The following BICC1 variants were observed in gnomAD, a reference collection of about 807,000 sequenced individuals.
The protein encoded by BICC1 is protein bicaudal C homolog 1.
BICC1 carries 43 observed loss-of-function variants against 111.0 expected under a neutral mutation model. The observed-to-expected ratio is 0.39, with a 90% confidence interval of 0.30 to 0.50. BICC1 has a LOEUF of 0.50. BICC1 is among the 20% of genes least tolerant of loss of function. The pLI is 0.88. For synonymous variants in BICC1, 467 were observed against 434.4 expected (o/e 1.07, Z -0.93); for missense variants, 1,091 against 1,203.2 (o/e 0.91, Z 1.38).
intron 1 of BICC1, among the ~76,000 whole-genome samples, chr10:58,531,913 A>G (rs1302611302): frequency 5.3e-5 from 8 of 151,842 alleles, no homozygotes; most frequent in Admixed American, 5.3e-4. Flanking sequence ...AAATGAAGAA[A>G]GCCTAAGGGA....
rs1362693638 is a variant in BICC1, at chr10:58,796,507, C to G, written c.1347C>G (p.Gly449=). 2 of 1,613,542 alleles carry G rather than the reference C, an allele frequency of 1.2e-6. No homozygotes were observed. The highest frequency in any genetic ancestry group is 1.7e-6 in the Non-Finnish European group (2 of 1,179,828). The change falls in exon 10 of 21, where the codon GGC becomes GGG. Residue 449 remains glycine (G), a synonymous_variant. Transcript: ENST00000373886. ...GCCTGGATATCTTAGCTTCAGCAGGCCTTGGACTCACTGGACTAGGTATAC... is the reference window on the plus strand; with the variant it reads ...GCCTGGATATCTTAGCTTCAGCAGGGCTTGGACTCACTGGACTAGGTATAC... ...CPSLDILASA[G]LGLTGLGLLG...
intron 2 of BICC1, among the ~76,000 whole-genome samples, chr10:58,687,493 C>G (rs1839773219): frequency 6.6e-6 from 1 of 152,214 alleles, no homozygotes; most frequent in Non-Finnish European, 1.5e-5. Context: ...GGAGGCAGGC[C>G]TCCTTGAGCT....
At chr10:58,591,950 T>A (rs7079155) in intron 1 of BICC1, among the ~76,000 whole-genome samples, 116,172 of 152,216 alleles carry the variant, frequency 0.76, 44,911 homozygotes, top group East Asian at 0.98. Context: ...TCAAGTGGTG[T>A]TGTTTATTGT....
chr10:58,681,104 G>A (rs1839506092), intron 2 of BICC1, among the ~76,000 whole-genome samples: 1 of 152,144 alleles, frequency 6.6e-6, no homozygotes, highest in African/African-American at 2.4e-5. Context: ...ATTCAGGACA[G>A]TGGTATGGGC....
At chr10:58,598,774 A>G (rs938713116) in intron 1 of BICC1, among the ~76,000 whole-genome samples, 1 of 152,200 alleles carries the variant, frequency 6.6e-6, no homozygotes, top group Non-Finnish European at 1.5e-5. Context: ...AAGGGCTAAT[A>G]CTCAGAATCT....
intron 1 of BICC1, among the ~76,000 whole-genome samples, chr10:58,535,187 C>T (rs1470581632): frequency 3.3e-5 from 5 of 151,704 alleles, no homozygotes; most frequent in Admixed American, 6.6e-5. Flanking sequence ...AGGAAAACTT[C>T]CCTGTCCTTG....
intron 1 of BICC1, among the ~76,000 whole-genome samples, chr10:58,546,635 G>A (rs1158459785): frequency 6.6e-6 from 1 of 152,132 alleles, no homozygotes; most frequent in Non-Finnish European, 1.5e-5. Context: ...ATCCTCTGTA[G>A]TGAATGGCTC....
chr10:58,664,318 C>T lies in BICC1; in HGVS notation c.238-37756C>T, dbSNP rs7917361. ...TTTGCATTTCTCTGAGAACCAATAT[C>T]GAGCATTTTTTAATGTGCTTAATCA... is the stretch of plus-strand genomic sequence containing the variant. On this transcript the variant is annotated intron_variant, in intron 2 of 20. Transcript: ENST00000373886. Among the ~76,000 whole-genome samples, 1,298 of 152,178 alleles carry T rather than the reference C, an allele frequency of 8.5e-3. 20 individuals carry two copies. The highest frequency in any genetic ancestry group is 0.029 in the African/African-American group (1,220 of 41,506).
At chr10:58,712,552 G>A (rs890466343) in intron 3 of BICC1, among the ~76,000 whole-genome samples, 3 of 152,168 alleles carry the variant, frequency 2.0e-5, no homozygotes, top group Non-Finnish European at 4.4e-5. Flanking sequence ...CTATGAAAGG[G>A]CATGGAGGAT....
At chr10:58,769,308 ATG>A (rs1422174355) in intron 3 of BICC1, among the ~76,000 whole-genome samples, 9 of 130,950 alleles carry the variant, frequency 6.9e-5, no homozygotes, top group African/African-American at 2.6e-4. Context: ...ACACACACAC[ATG>A]CACACGCACA....
chr10:58,659,648 G>A (rs757126089), intron 2 of BICC1, among the ~76,000 whole-genome samples: 5 of 152,018 alleles, frequency 3.3e-5, no homozygotes, highest in Admixed American at 6.6e-5. Flanking sequence ...ACTGGTACAC[G>A]GAACGCGCAT....
At chr10:58,673,165 A>G (rs1201190789) in intron 2 of BICC1, among the ~76,000 whole-genome samples, 1 of 152,196 alleles carries the variant, frequency 6.6e-6, no homozygotes, top group Non-Finnish European at 1.5e-5. Flanking sequence ...AATTCTTTGA[A>G]TATTACTAAT....
chr10:58,746,710 G>T (rs1284197942), intron 3 of BICC1, among the ~76,000 whole-genome samples: 3 of 152,058 alleles, frequency 2.0e-5, no homozygotes, highest in Non-Finnish European at 2.9e-5. Context: ...ATGAATACAG[G>T]TATTCATTAA....
intron 2 of BICC1, among the ~76,000 whole-genome samples, chr10:58,685,213 G>A (rs1839677211): frequency 6.6e-6 from 1 of 152,168 alleles, no homozygotes; most frequent in Non-Finnish European, 1.5e-5. Flanking sequence ...GTTCTAGTTT[G>A]ATTGCACTGT....
At chr10:58,755,810 G>A (rs1267707094) in intron 3 of BICC1, among the ~76,000 whole-genome samples, 1 of 152,054 alleles carries the variant, frequency 6.6e-6, no homozygotes, top group African/African-American at 2.4e-5. Flanking sequence ...TACAGCCGAG[G>A]CTTCTCTGCA....
At chr10:58,604,891 C>T (rs1845159012) in intron 1 of BICC1, among the ~76,000 whole-genome samples, 1 of 152,030 alleles carries the variant, frequency 6.6e-6, no homozygotes, top group Non-Finnish European at 1.5e-5. Flanking sequence ...CCTTTGAGGC[C>T]CGACTTTCTG....
chr10:58,656,985 G>C (rs527593045), intron 2 of BICC1, among the ~76,000 whole-genome samples: 5 of 152,032 alleles, frequency 3.3e-5, no homozygotes, highest in Non-Finnish European at 5.9e-5. Flanking sequence ...ACCCAGTCTG[G>C]GATTTGCTTG....
intron 2 of BICC1, among the ~76,000 whole-genome samples, chr10:58,642,103 T>A (rs970705675): frequency 1.3e-5 from 2 of 152,202 alleles, no homozygotes; most frequent in Admixed American, 1.3e-4. Context: ...CACATTTAAG[T>A]GAATAGTAAA....
At position 58,686,849 on chromosome 10, in the gene BICC1, A is replaced by G. The variant is rs149873246; in HGVS notation, c.238-15225A>G. On this transcript the variant is annotated intron_variant, in intron 2 of 20. Coordinates refer to ENST00000373886, the MANE Select transcript of BICC1 (RefSeq NM_001080512.3). ...AGCTCAGAGAAGTTTGTTATTACCA[A>G]TCGTCTGAAGCCTTCTTCTTTCAAC... Among the ~76,000 whole-genome samples the G allele has an allele frequency of 9.9e-3, 1,513 of 152,312 alleles. 19 individuals carry two copies. The highest frequency in any genetic ancestry group is 0.014 in the Non-Finnish European group (923 of 68,030).
Sources: gnomAD v4.1 joint callset for allele counts (sites outside exome capture counted in the v4.1 genomes callset) on GRCh38, gnomAD v4.1.1 for gene constraint, MANE v1.5 for transcripts, NCBI Gene and HGNC (gene_info 2026-07-23, HGNC 2026-07-21) for gene names.